The following THNSL1 variants were observed in gnomAD, a reference collection of about 807,000 sequenced individuals.
The protein encoded by THNSL1 is threonine synthase-like 1.
In THNSL1, 48 loss-of-function variants were observed where a neutral mutation model predicts 50.4. The ratio of observed to expected loss-of-function variants is 0.95; its 90% CI spans 0.76 to 1.21. The LOEUF (loss-of-function observed/expected upper bound fraction) is 1.21. Among genes scored for constraint, THNSL1 ranks in the 50% most tolerant of loss-of-function variants. The pLI is 0.00. For synonymous variants in THNSL1, 309 were observed against 306.1 expected (o/e 1.01, Z -0.10); for missense variants, 896 against 871.7 (o/e 1.03, Z -0.35).
chr10:24,986,860 T>C, the THNSL1 span, among the ~76,000 whole-genome samples: 1 of 152,238 alleles, frequency 6.6e-6, no homozygotes, highest in African/African-American at 2.4e-5. Context: ...GTTGCAGCAA[T>C]AGTGATTTTC....
the THNSL1 span, among the ~76,000 whole-genome samples, chr10:24,964,449 T>A: frequency 6.6e-6 from 1 of 152,216 alleles, no homozygotes; most frequent in Non-Finnish European, 1.5e-5. Context: ...AAAATATAAA[T>A]TGTTTCAAAC....
intron 2 of THNSL1, among the ~76,000 whole-genome samples, chr10:25,022,720 AT>A (rs761586011): frequency 6.6e-6 from 1 of 152,204 alleles, no homozygotes; most frequent in Non-Finnish European, 1.5e-5. Flanking sequence ...TATAAAGAAT[AT>A]TGTTCAACTT....
the THNSL1 span, chr10:24,995,855 G>A: frequency 1.2e-5 from 20 of 1,602,728 alleles, no homozygotes; most frequent in East Asian, 2.0e-4. Flanking sequence ...GGCACGTTCC[G>A]ATCAAAGTTT....
At chr10:24,984,336 A>G in the THNSL1 span, 1 of 1,594,134 alleles carries the variant, frequency 6.3e-7, no homozygotes, top group East Asian at 2.2e-5. Flanking sequence ...CCAGTTCAAA[A>G]TACTTAACAG....
chr10:24,989,315 T>C, the THNSL1 span, among the ~76,000 whole-genome samples: 1 of 152,312 alleles, frequency 6.6e-6, no homozygotes, highest in East Asian at 1.9e-4. Context: ...TTTCTGAACA[T>C]CTGCGTTTTC....
the THNSL1 span, among the ~76,000 whole-genome samples, chr10:24,964,788 C>A: frequency 6.6e-6 from 1 of 152,194 alleles, no homozygotes; most frequent in Non-Finnish European, 1.5e-5. Flanking sequence ...CCAGGCTGAG[C>A]AGCGTGGCTC....
Position 25,023,249 on chromosome 10 carries a change from A to T in THNSL1, c.26A>T (p.His9Leu), listed in dbSNP as rs1042909893. MLHFNRCH[H>L]LKKITQKCFS... The stretch of plus-strand genomic sequence containing the variant: ...ATGCTCCACTTTAACCGATGTCATC[A>T]TCTGAAAAAGATAACACAGAAATGT... Residue 9 changes from histidine to leucine, a missense_variant, in exon 3 of 3, where the codon CAT (histidine) becomes CTT (leucine). His to Leu is a moderately conservative substitution (Grantham distance 99). Coordinates refer to ENST00000376356, the MANE Select transcript of THNSL1 (RefSeq NM_024838.5). 2 of 1,612,628 alleles carry T rather than the reference A, an allele frequency of 1.2e-6. No homozygotes were observed. Among genetic ancestry groups the T allele is most frequent in the African/African-American group, 2.7e-5 (2 of 74,888 alleles).
At chr10:24,960,845 C>A in the THNSL1 span, among the ~76,000 whole-genome samples, 1 of 152,134 alleles carries the variant, frequency 6.6e-6, no homozygotes, top group Non-Finnish European at 1.5e-5. Context: ...CCGCCTTGGC[C>A]TCCCAAAGTG....
upstream of THNSL1, chr10:25,015,942 C>A: frequency 6.2e-7 from 1 of 1,603,928 alleles, no homozygotes; most frequent in Non-Finnish European, 8.5e-7. Context: ...TCCATGGCCA[C>A]CAAATGACTC....
In THNSL1 at chr10:25,025,363, C is replaced by T; in HGVS notation, c.2140C>T (p.Gln714Ter). ...LHEALLERTKQQEKMEYQVCA... is the reference protein window; with the variant it reads ...LHEALLERTK Reference sequence around the variant, plus strand: ...TGAGGCTTTATTAGAGAGAACAAAACAGCAAGAGAAGATGGAGTACCAGGT... The same window carrying T: ...TGAGGCTTTATTAGAGAGAACAAAATAGCAAGAGAAGATGGAGTACCAGGT... Residue 714 changes from glutamine to a stop codon, truncating the protein, a stop_gained, in exon 3 of 3, where the codon CAG (glutamine) becomes TAG (stop). Transcript: ENST00000376356. LOFTEE classifies it high-confidence loss of function. 6 of 1,614,192 alleles carry T rather than the reference C, an allele frequency of 3.7e-6. No individual in the cohort carries two copies. Among genetic ancestry groups the T allele is most frequent in the Non-Finnish European group, 5.1e-6 (6 of 1,180,036 alleles).
the THNSL1 span, among the ~76,000 whole-genome samples, chr10:24,985,958 C>T: frequency 3.9e-5 from 6 of 152,232 alleles, no homozygotes; most frequent in Non-Finnish European, 7.4e-5. Context: ...GTCCCAGCTA[C>T]CTGAGAGGCT....
the THNSL1 span, among the ~76,000 whole-genome samples, chr10:24,966,362 T>C: frequency 6.6e-6 from 1 of 152,248 alleles, no homozygotes; most frequent in Non-Finnish European, 1.5e-5. Flanking sequence ...CTCATTAACT[T>C]TGAAAGCAGC....
At chr10:24,995,398 TTAA>T in the THNSL1 span, among the ~76,000 whole-genome samples, 3 of 152,224 alleles carry the variant, frequency 2.0e-5, no homozygotes, top group Non-Finnish European at 4.4e-5. Flanking sequence ...GTTAAATATG[TTAA>T]TAATCAAAAT....
chr10:24,981,432 C>A, the THNSL1 span, among the ~76,000 whole-genome samples: 6 of 152,116 alleles, frequency 3.9e-5, no homozygotes, highest in Non-Finnish European at 7.4e-5. Context: ...ATATAGTTAT[C>A]ATTTTTGTGG....
chr10:24,992,071 G>T, the THNSL1 span, among the ~76,000 whole-genome samples: 1 of 152,218 alleles, frequency 6.6e-6, no homozygotes, highest in Middle Eastern at 3.2e-3. Context: ...CATCAGCTGT[G>T]ATTCTTTCAG....
chr10:24,955,959 A>C, the THNSL1 span, among the ~76,000 whole-genome samples: 1 of 152,070 alleles, frequency 6.6e-6, no homozygotes, highest in Non-Finnish European at 1.5e-5. Context: ...CAAACAAATA[A>C]TAATAATAAT....
the THNSL1 span, among the ~76,000 whole-genome samples, chr10:25,001,585 C>T: frequency 6.6e-6 from 1 of 151,858 alleles, no homozygotes; most frequent in Admixed American, 6.6e-5. Flanking sequence ...TTTCATTTTG[C>T]ATTGTTCTAT....
In THNSL1 at chr10:25,023,217, A is replaced by G; in HGVS notation, c.-7A>G. 1 of 1,598,930 alleles carries G rather than the reference A, an allele frequency of 6.3e-7. No individual in the cohort carries two copies. Among genetic ancestry groups the G allele is most frequent in the Non-Finnish European group, 8.5e-7 (1 of 1,172,016 alleles). On this transcript the variant is annotated 5_prime_UTR_variant, in exon 3 of 3. Coordinates refer to ENST00000376356, the MANE Select transcript of THNSL1 (RefSeq NM_024838.5). The stretch of plus-strand genomic sequence containing the variant: ...TAGGTTGGCTTGGGCAGAAAAGTGA[A>G]AAGAGAATGCTCCACTTTAACCGAT...
the THNSL1 span, chr10:24,995,832 A>G: frequency 1.9e-6 from 3 of 1,612,118 alleles, no homozygotes; most frequent in Non-Finnish European, 2.5e-6. Flanking sequence ...TCAATGGCAC[A>G]GCAGGCTTTT....
Sources: gnomAD v4.1 joint callset for allele counts (sites outside exome capture counted in the v4.1 genomes callset) on GRCh38, gnomAD v4.1.1 for gene constraint, MANE v1.5 for transcripts, NCBI Gene and HGNC (gene_info 2026-07-23, HGNC 2026-07-21) for gene names.